Variants in GTF2F2 observed in about 807,000 individuals in gnomAD.
The protein encoded by GTF2F2 is general transcription factor IIF subunit 2.
Under a neutral mutation model 42.2 loss-of-function variants are expected in GTF2F2, and 23 were observed. The observed-to-expected ratio is 0.55, with a 90% CI of 0.39 to 0.77. The LOEUF is 0.77. Among genes scored for constraint, GTF2F2 ranks in the 30% least tolerant of loss-of-function variants. GTF2F2 has a pLI of 0.00. For missense variants in GTF2F2, 261 were observed against 287.2 expected (o/e 0.91, Z 0.66); for synonymous variants, 105 against 100.8 (o/e 1.04, Z -0.25).
At position 45,121,446 on chromosome 13, in the gene GTF2F2, T is replaced by C. The variant is rs574058120; in HGVS notation, c.66+725T>C. Among the ~76,000 whole-genome samples the C allele has an allele frequency of 2.1e-4, 32 of 152,314 alleles. No individual in the cohort carries two copies. The East Asian group carries it at 6.2e-3, about 29-fold the overall frequency. On this transcript the variant is annotated intron_variant, in intron 1 of 7. Transcript: ENST00000340473. ...TCCTGAAAGTCGTTGAAACTTAAAATGTAAGGACTTTTGGTTTCTTAATGC... is the reference window on the plus strand; with the variant it reads ...TCCTGAAAGTCGTTGAAACTTAAAACGTAAGGACTTTTGGTTTCTTAATGC...
chr13:45,212,316 A>C (rs1437755911), intron 5 of GTF2F2, among the ~76,000 whole-genome samples: 1 of 152,150 alleles, frequency 6.6e-6, no homozygotes, highest in Non-Finnish European at 1.5e-5. Flanking sequence ...TCTTTTACAT[A>C]GGCATTATAT....
At chr13:45,177,613 T>A (rs1230563771) in intron 4 of GTF2F2, among the ~76,000 whole-genome samples, 2 of 152,192 alleles carry the variant, frequency 1.3e-5, no homozygotes, top group African/African-American at 4.8e-5. Flanking sequence ...CAAATGACCC[T>A]TATTTTACTT....
intron 5 of GTF2F2, among the ~76,000 whole-genome samples, chr13:45,214,937 T>C (rs1369582401): frequency 6.6e-6 from 1 of 152,204 alleles, no homozygotes; most frequent in East Asian, 1.9e-4. Flanking sequence ...AAAATACTTG[T>C]CTTAAAAGTT....
intron 6 of GTF2F2, 86 bp downstream of exon 6, chr13:45,253,056 G>A: frequency 7.1e-6 from 4 of 566,774 alleles, no homozygotes; most frequent in Non-Finnish European, 9.2e-6. Context: ...AAGAACCTGA[G>A]AATTTACACA....
At chr13:45,161,792 G>C (rs1225905510) in intron 4 of GTF2F2, among the ~76,000 whole-genome samples, 3 of 152,126 alleles carry the variant, frequency 2.0e-5, no homozygotes, top group Admixed American at 2.0e-4. Flanking sequence ...GCAGTGAGCC[G>C]AGATCATGCC....
chr13:45,156,699 A>T (rs1226938739), intron 4 of GTF2F2, among the ~76,000 whole-genome samples: 1 of 152,210 alleles, frequency 6.6e-6, no homozygotes, highest in Non-Finnish European at 1.5e-5. Flanking sequence ...TGAGAAGCCT[A>T]GAGTGGTTTC....
intron 5 of GTF2F2, among the ~76,000 whole-genome samples, chr13:45,222,234 T>C (rs1247461550): frequency 1.3e-5 from 2 of 152,178 alleles, no homozygotes; most frequent in Non-Finnish European, 2.9e-5. Flanking sequence ...TGAATGTTTA[T>C]CATAACCTTT....
chr13:45,161,945 A>C (rs1191788825), intron 4 of GTF2F2, among the ~76,000 whole-genome samples: 1 of 152,132 alleles, frequency 6.6e-6, no homozygotes, highest in Non-Finnish European at 1.5e-5. Context: ...TATTTATTCC[A>C]CTTCTGTTGG....
chr13:45,254,146 A>G (rs76491436), intron 6 of GTF2F2, among the ~76,000 whole-genome samples: 6 of 151,438 alleles, frequency 4.0e-5, no homozygotes, highest in Non-Finnish European at 2.9e-5. Context: ...AGAGAGAGAG[A>G]CCACATTCAC....
intron 2 of GTF2F2, among the ~76,000 whole-genome samples, chr13:45,145,180 C>T (rs1455538909): frequency 6.6e-6 from 1 of 152,142 alleles, no homozygotes; most frequent in Non-Finnish European, 1.5e-5. Flanking sequence ...TCTTTCATTC[C>T]ATCAACTGCT....
chr13:45,218,105 G>C (rs920911788), intron 5 of GTF2F2, among the ~76,000 whole-genome samples: 8 of 152,182 alleles, frequency 5.3e-5, no homozygotes, highest in Admixed American at 5.2e-4. Context: ...TTATAGATTG[G>C]CCCCAAACAC....
intron 5 of GTF2F2, 25 bp downstream of exon 5, chr13:45,207,530 G>T (rs1287698375): frequency 2.9e-5 from 39 of 1,357,560 alleles, no homozygotes; most frequent in Non-Finnish European, 4.0e-5. Context: ...ACTCCAGAAT[G>T]ATACCTGATA....
intron 5 of GTF2F2, among the ~76,000 whole-genome samples, chr13:45,247,553 C>T (rs904268290): frequency 6.6e-6 from 1 of 151,048 alleles, no homozygotes; most frequent in Non-Finnish European, 1.5e-5. Flanking sequence ...CCACCACACC[C>T]AGCTAATTTT....
chr13:45,254,907 C>G (rs1015538207), intron 6 of GTF2F2, among the ~76,000 whole-genome samples: 2 of 152,054 alleles, frequency 1.3e-5, no homozygotes, highest in Non-Finnish European at 2.9e-5. Flanking sequence ...TGGCTCACGC[C>G]TGTAATCCCA....
chr13:45,220,433 G>A (rs1874060596), intron 5 of GTF2F2, among the ~76,000 whole-genome samples: 1 of 152,110 alleles, frequency 6.6e-6, no homozygotes, highest in African/African-American at 2.4e-5. Context: ...ATTTTATGCT[G>A]TGTGAGAAAT....
intron 6 of GTF2F2, among the ~76,000 whole-genome samples, chr13:45,260,778 C>T (rs528823116): frequency 1.5e-4 from 23 of 151,970 alleles, no homozygotes; most frequent in Non-Finnish European, 2.4e-4. Context: ...CCAGCACTTT[C>T]GGAGGCTGAG....
intron 5 of GTF2F2, among the ~76,000 whole-genome samples, chr13:45,210,123 C>T (rs928421292): frequency 1.3e-5 from 2 of 152,158 alleles, no homozygotes; most frequent in African/African-American, 2.4e-5. Flanking sequence ...TCATGCCATT[C>T]GTCTTTTCAA....
At chr13:45,231,298 G>A (rs1199453508) in intron 5 of GTF2F2, among the ~76,000 whole-genome samples, 1 of 151,936 alleles carries the variant, frequency 6.6e-6, no homozygotes, top group African/African-American at 2.4e-5. Context: ...AGTAGTGATG[G>A]GGTTTCACCA....
intron 2 of GTF2F2, among the ~76,000 whole-genome samples, chr13:45,142,927 C>T (rs1326150124): frequency 1.3e-5 from 2 of 152,112 alleles, no homozygotes; most frequent in Admixed American, 6.5e-5. Flanking sequence ...CAAAAGGCTC[C>T]ATTGATAGAT....
Sources: gnomAD v4.1 joint callset for allele counts (sites outside exome capture counted in the v4.1 genomes callset) on GRCh38, gnomAD v4.1.1 for gene constraint, MANE v1.5 for transcripts, NCBI Gene and HGNC (gene_info 2026-07-23, HGNC 2026-07-21) for gene names.